The following ALOX5 variants were observed in gnomAD, a reference collection of about 807,000 sequenced individuals.
The protein encoded by ALOX5 is arachidonate 5-lipoxygenase, also known as polyunsaturated fatty acid 5-lipoxygenase.
Under a neutral mutation model 87.9 loss-of-function variants are expected in ALOX5, and 64 were observed. The ratio of observed to expected loss-of-function variants is 0.73; its 90% CI spans 0.60 to 0.90. The LOEUF (loss-of-function observed/expected upper bound fraction) is 0.90, where lower values mean the gene tolerates loss of function less well. Among genes scored for constraint, ALOX5 ranks in the 40% least tolerant of loss-of-function variants. The pLI is 0.00. For missense variants in ALOX5, 822 were observed against 907.5 expected (o/e 0.91, Z 1.21); for synonymous variants, 388 against 355.1 (o/e 1.09, Z -1.04).
chr10:45,411,363 G>A (rs1327762149), intron 3 of ALOX5, among the ~76,000 whole-genome samples: 4 of 152,186 alleles, frequency 2.6e-5, no homozygotes, highest in African/African-American at 9.7e-5. Context: ...TGCCCAGTAG[G>A]TCTCAGCCTT....
At chr10:45,437,640 C>G (rs893357680) in intron 7 of ALOX5, among the ~76,000 whole-genome samples, 3 of 152,222 alleles carry the variant, frequency 2.0e-5, no homozygotes, top group Admixed American at 6.5e-5. Flanking sequence ...AGCCCATGCC[C>G]CTTCCTTATT....
intron 1 of ALOX5, among the ~76,000 whole-genome samples, chr10:45,375,097 T>A (rs970674411): frequency 6.6e-6 from 1 of 152,158 alleles, no homozygotes; most frequent in African/African-American, 2.4e-5. Context: ...CTGGGCAGCT[T>A]ACATTCTCAG....
intron 7 of ALOX5, among the ~76,000 whole-genome samples, chr10:45,436,945 G>A (rs1842077706): frequency 6.6e-6 from 1 of 152,052 alleles, no homozygotes; most frequent in African/African-American, 2.4e-5. Context: ...CTCCTTGGCT[G>A]GATACATTCT....
At chr10:45,436,674 A>G (rs1842070006) in intron 7 of ALOX5, among the ~76,000 whole-genome samples, 1 of 152,124 alleles carries the variant, frequency 6.6e-6, no homozygotes. Context: ...TATAGTTTGA[A>G]GTCAGGTAAT....
At position 45,443,505 on chromosome 10, in the gene ALOX5, A is replaced by G; in HGVS notation, c.1541A>G (p.Tyr514Cys). The change falls in exon 11 of 14, where the codon TAC becomes TGC. Residue 514 changes from tyrosine to cysteine, a missense_variant. Coordinates refer to ENST00000374391, the MANE Select transcript of ALOX5 (RefSeq NM_000698.5). ...CTGCAGGACTTCGTGAACGATGTCT[A>G]CGTGTACGGCATGCGGGGCCGCAAG... ...PELQDFVNDV[Y>C]VYGMRGRKSS... 1.2e-6 allele frequency: 2 copies of G among 1,613,148 alleles called. No individual in the cohort carries two copies. The highest frequency in any genetic ancestry group is 2.2e-5 in the East Asian group (1 of 44,850).
chr10:45,405,739 C>CTT (rs11463810), intron 3 of ALOX5, among the ~76,000 whole-genome samples: 60 of 139,380 alleles, frequency 4.3e-4, no homozygotes, highest in African/African-American at 1.3e-3. Context: ...ATTCATCTAC[C>CTT]TTTTTTTTTT....
intron 1 of ALOX5, among the ~76,000 whole-genome samples, chr10:45,379,753 C>A (rs1316235983): frequency 6.6e-5 from 10 of 152,158 alleles, no homozygotes; most frequent in Admixed American, 6.5e-4. Flanking sequence ...AATGGTCCTG[C>A]AAGTGAGGGG....
chr10:45,445,701 C>T lies in ALOX5; in HGVS notation c.*14C>T, dbSNP rs1382388236. ...GTGGCCATCTGAGCACACTGCCAGT[C>T]TCACTGTGGGAAGGCCAGCTGCCCC... On this transcript the variant is annotated 3_prime_UTR_variant, in exon 14 of 14. Transcript: ENST00000374391. 6.3e-7 allele frequency: 1 copy of T among 1,598,072 alleles called. No homozygotes were observed.
chr10:45,441,562 T>C, intron 9 of ALOX5, 132 bp downstream of exon 9: 1 of 830,310 alleles, frequency 1.2e-6, no homozygotes, highest in Non-Finnish European at 1.9e-6. Flanking sequence ...GAGCACTGGC[T>C]CCAGCATCCT....
rs140301943 is a variant in ALOX5 at position 45,432,813 on chromosome 10, T to C, written c.981+4049T>C. Among the ~76,000 whole-genome samples, 199 of 152,336 alleles carry C rather than the reference T, an allele frequency of 1.3e-3. 1 individual carries two copies. Among genetic ancestry groups the C allele is most frequent in the African/African-American group, 4.3e-3 (179 of 41,584 alleles). The stretch of plus-strand genomic sequence containing the variant: ...GTTATAAGGGGAAAGCTAAGCATAT[T>C]TGATTATGTAATGTTTTAAAACTTG... On this transcript the variant is annotated intron_variant, in intron 7 of 13. Coordinates refer to ENST00000374391, the MANE Select transcript of ALOX5 (RefSeq NM_000698.5).
rs892993493 is a variant in ALOX5 at position 45,445,769 on chromosome 10, G to A, written c.*82G>A. The A allele has an allele frequency of 2.7e-6, 4 of 1,465,834 alleles. No homozygotes were observed. In the African/African-American group the frequency reaches 5.6e-5, roughly 21 times the overall value. The allele number at this position is 1,465,834 out of a possible 1,614,324, so 90.8% of individuals were successfully genotyped here. On this transcript the variant is annotated 3_prime_UTR_variant, in exon 14 of 14. Coordinates refer to ENST00000374391, the MANE Select transcript of ALOX5 (RefSeq NM_000698.5). ...CCTGCCTGGCAGGCTGTCTGGCCAGGCCTCTTGGCAGTCACATCTCTTCCT... is the reference window on the plus strand; with the variant it reads ...CCTGCCTGGCAGGCTGTCTGGCCAGACCTCTTGGCAGTCACATCTCTTCCT...
At chr10:45,386,950 A>T (rs1840028574) in intron 2 of ALOX5, among the ~76,000 whole-genome samples, 1 of 152,204 alleles carries the variant, frequency 6.6e-6, no homozygotes, top group Admixed American at 6.5e-5. Flanking sequence ...GAGAGATAAG[A>T]TGCTCTCAGA....
intron 12 of ALOX5, 50 bp downstream of exon 12, chr10:45,443,878 C>A: frequency 6.5e-7 from 1 of 1,538,278 alleles, no homozygotes. Context: ...AAGGCCGCTG[C>A]CTCCTCCCCC....
chr10:45,389,416 G>C (rs1055235173), intron 2 of ALOX5, among the ~76,000 whole-genome samples: 2 of 152,158 alleles, frequency 1.3e-5, no homozygotes, highest in Admixed American at 6.5e-5. Flanking sequence ...TTGAAATGAA[G>C]GAAAAGATGT....
intron 7 of ALOX5, among the ~76,000 whole-genome samples, chr10:45,429,697 G>A (rs186022585): frequency 2.5e-4 from 38 of 152,248 alleles, no homozygotes; most frequent in Middle Eastern, 3.4e-3. Flanking sequence ...TGCTCTGTTC[G>A]ATTGTAAAAT....
At chr10:45,440,213 C>T (rs935576287) in intron 7 of ALOX5, among the ~76,000 whole-genome samples, 7 of 152,230 alleles carry the variant, frequency 4.6e-5, no homozygotes, top group Non-Finnish European at 1.0e-4. Context: ...GCTTAGAAAG[C>T]CCAGTGTGTC....
intron 4 of ALOX5, among the ~76,000 whole-genome samples, chr10:45,414,455 T>A (rs1424615977): frequency 6.6e-6 from 1 of 152,206 alleles, no homozygotes; most frequent in African/African-American, 2.4e-5. Flanking sequence ...GATTAAATAC[T>A]TAAATGTTAG....
chr10:45,388,608 A>G (rs899985212), intron 2 of ALOX5, among the ~76,000 whole-genome samples: 4 of 152,250 alleles, frequency 2.6e-5, no homozygotes, highest in African/African-American at 9.6e-5. Flanking sequence ...AGCAAACATC[A>G]ACAAACCTGC....
chr10:45,398,452 G>T (rs1217828653), intron 3 of ALOX5, among the ~76,000 whole-genome samples: 1 of 152,126 alleles, frequency 6.6e-6, no homozygotes, highest in African/African-American at 2.4e-5. Context: ...AAGGACTCTT[G>T]ATATGACACC....
Sources: allele counts gnomAD v4.1 joint callset (sites outside exome capture counted in the v4.1 genomes callset), GRCh38; gene constraint gnomAD v4.1.1; transcripts MANE v1.5; gene names NCBI Gene and HGNC (gene_info 2026-07-23, HGNC 2026-07-21).